Variants in MYO9A observed in about 807,000 individuals in gnomAD.
MYO9A encodes unconventional myosin-IXa.
Under a neutral mutation model 293.3 loss-of-function variants are expected in MYO9A, and 103 were observed. That is an observed-to-expected ratio of 0.35 (90% CI 0.30 to 0.41). The LOEUF (loss-of-function observed/expected upper bound fraction) is 0.41, where lower values mean the gene tolerates loss of function less well. MYO9A is among the 10% of genes least tolerant of loss of function. The pLI, the probability that MYO9A is intolerant of heterozygous loss-of-function variation, is 1.00. For missense variants in MYO9A, 2,685 were observed against 3,033.0 expected, an observed-to-expected ratio of 0.89 and a Z score of 2.69; for synonymous variants, 1,001 against 1,035.7, an observed-to-expected ratio of 0.97 and a Z score of 0.64.
At chr15:72,105,505 T>C (rs2080535218) in intron 1 of MYO9A, among the ~76,000 whole-genome samples, 1 of 145,066 alleles carries the variant, frequency 6.9e-6, no homozygotes, top group South Asian at 2.2e-4. Context: ...GGGAAAGCTT[T>C]TTTTTTTTTT....
At chr15:71,859,108 T>C (rs2056002517) in intron 34 of MYO9A, among the ~76,000 whole-genome samples, 1 of 152,242 alleles carries the variant, frequency 6.6e-6, no homozygotes, top group Non-Finnish European at 1.5e-5. Context: ...TACTTTGCCA[T>C]GATTTGTCTA....
chr15:71,889,522 C>G (rs1002588710), intron 26 of MYO9A: 2 of 135,244 alleles, frequency 1.5e-5, no homozygotes, highest in East Asian at 4.8e-4. Flanking sequence ...GTGGTACAAT[C>G]ACAGCTCACT....
rs951649062 is a variant in MYO9A at position 71,943,007 on chromosome 15, T to C, written c.2303-4080A>G. Among the ~76,000 whole-genome samples, 4 of 152,182 alleles carry C rather than the reference T, an allele frequency of 2.6e-5. No individual in the cohort carries two copies. The East Asian group carries it at 7.7e-4, about 29-fold the overall frequency. The stretch of plus-strand genomic sequence containing the variant: ...TTCATATTTGCCTGGTACATCACTG[T>C]CCATCCTTTTATTTTCACCTCTTTA... On this transcript the variant is annotated intron_variant, in intron 15 of 41. Transcript: ENST00000356056.
intron 27 of MYO9A, among the ~76,000 whole-genome samples, chr15:71,885,273 T>C (rs976872933): frequency 6.6e-6 from 1 of 152,158 alleles, no homozygotes; most frequent in African/African-American, 2.4e-5. Context: ...ATTCAGTATT[T>C]ACTTTTAATG....
Position 71,898,529 on chromosome 15 carries a change from T to C in MYO9A, c.3974A>G (p.Glu1325Gly), listed in dbSNP as rs2057396304. 3.7e-6 allele frequency: 6 copies of C among 1,614,028 alleles called. 1 individual carries two copies. In the East Asian group the frequency reaches 1.3e-4, roughly 36 times the overall value. Reference protein sequence around the residue: ...LQSPRGTPDSESSQGSLELLS... With the variant: ...LQSPRGTPDSGSSQGSLELLS... ...AAGTTCCAAGCTTCCTTGAGAGCTC[T>C]CACTATCAGGTGTACCCCGTGGAGA... Residue 1325 changes from glutamate (E) to glycine (G), a missense_variant, in exon 25 of 42, where the codon GAG becomes GGG. Glu to Gly is a moderately conservative substitution (Grantham distance 98). Around this residue, in one of 10 missense-constraint regions of MYO9A, gnomAD observed 1,434 missense variants for 1,497.7 expected, o/e 0.96. Coordinates refer to ENST00000356056, the MANE Select transcript of MYO9A (RefSeq NM_006901.4).
chr15:71,907,733 A>C, intron 19 of MYO9A, among the ~76,000 whole-genome samples: 1 of 151,412 alleles, frequency 6.6e-6, no homozygotes. Context: ...TTGGCTGCAT[A>C]AATGTCTTCT....
At chr15:71,954,986 G>A (rs1022186618) in intron 14 of MYO9A, among the ~76,000 whole-genome samples, 1 of 152,020 alleles carries the variant, frequency 6.6e-6, no homozygotes, top group African/African-American at 2.4e-5. Context: ...TTAAACAAAC[G>A]TTTACATCCA....
chr15:71,978,136 C>G, intron 12 of MYO9A, 35 bp downstream of exon 12: 2 of 1,604,342 alleles, frequency 1.2e-6, no homozygotes, highest in Non-Finnish European at 1.7e-6. Flanking sequence ...AAAGCCAAAA[C>G]AGCCAATAAC....
chr15:72,024,902 TAGA>T (rs1183105695), intron 4 of MYO9A, among the ~76,000 whole-genome samples: 5 of 151,848 alleles, frequency 3.3e-5, no homozygotes, highest in African/African-American at 1.2e-4. Context: ...AAGGCAGGAA[TAGA>T]AGAACAGAAG....
chr15:71,851,334 A>G lies in MYO9A; in HGVS notation c.6500T>C (p.Ile2167Thr). Residue 2167 changes from isoleucine to threonine, a missense_variant, in exon 37 of 42, where the codon ATC becomes ACC. Around this residue, in one of 10 missense-constraint regions of MYO9A, gnomAD observed 238 missense variants for 269.1 expected, o/e 0.88. Transcript: ENST00000356056. The part of the protein sequence containing the change: ...AMGLQERKET[I>T]RGVYSVIDQL... ...ATCAATCACAGAGTATACACCACGG[A>G]TTGTCTCCTTCCTCTCCTGAAGGCC... 6.2e-7 allele frequency: 1 copy of G among 1,613,834 alleles called. No homozygotes were observed. Among genetic ancestry groups the G allele is most frequent in the Non-Finnish European group, 8.5e-7 (1 of 1,179,850 alleles).
Position 71,999,859 on chromosome 15 carries a change from A to G in MYO9A, c.1462T>C (p.Leu488=), listed in dbSNP as rs371729550. 139 of 1,611,224 alleles carry G rather than the reference A, an allele frequency of 8.6e-5. No individual in the cohort carries two copies. Among genetic ancestry groups the G allele is most frequent in the Non-Finnish European group, 1.2e-4 (136 of 1,178,498 alleles). Residue 488 remains leucine, a synonymous_variant, in exon 9 of 42, where the codon TTG becomes CTG. Transcript: ENST00000356056. ...VGEKLILPYK[L]AEAVTVRNSM... ...AAGAAAATCCATCATACCTCTGCCAACTTGTATGGCAAAATAAGCTTTTCT... is the reference window on the plus strand; with the variant it reads ...AAGAAAATCCATCATACCTCTGCCAGCTTGTATGGCAAAATAAGCTTTTCT...
chr15:71,946,548 G>A (rs551758725), intron 15 of MYO9A, among the ~76,000 whole-genome samples: 2 of 152,236 alleles, frequency 1.3e-5, no homozygotes, highest in East Asian at 3.9e-4. Flanking sequence ...CTAGGTAATA[G>A]CTTTGTGTCT....
chr15:71,861,610 G>A (rs1218787736), intron 33 of MYO9A, among the ~76,000 whole-genome samples: 1 of 140,222 alleles, frequency 7.1e-6, no homozygotes, highest in Non-Finnish European at 1.5e-5. Flanking sequence ...TCCATCTATA[G>A]GTTTATCTAA....
At chr15:71,913,603 G>C (rs2057923987) in intron 19 of MYO9A, among the ~76,000 whole-genome samples, 1 of 151,360 alleles carries the variant, frequency 6.6e-6, no homozygotes, top group African/African-American at 2.4e-5. Context: ...TTTCCCCCTT[G>C]TTATGGGTTA....
chr15:71,964,936 TA>T (rs1409784791), intron 13 of MYO9A, among the ~76,000 whole-genome samples: 3 of 151,442 alleles, frequency 2.0e-5, no homozygotes, highest in Non-Finnish European at 2.9e-5. Flanking sequence ...GCCTGGGTGA[TA>T]AAACAAGACT....
intron 15 of MYO9A, 160 bp from the exon 16 acceptor site, chr15:71,939,087 A>G: frequency 1.9e-6 from 1 of 536,376 alleles, no homozygotes; most frequent in Non-Finnish European, 3.2e-6. Context: ...TAACTGTCAT[A>G]GATCTTAGTT....
At chr15:72,051,722 T>C (rs183458609) in intron 1 of MYO9A, among the ~76,000 whole-genome samples, 7 of 152,248 alleles carry the variant, frequency 4.6e-5, no homozygotes, top group African/African-American at 1.7e-4. Context: ...CCCTGCCACC[T>C]TGGCCCCCTC....
intron 16 of MYO9A, among the ~76,000 whole-genome samples, chr15:71,937,070 G>T (rs552057809): frequency 6.6e-6 from 1 of 152,114 alleles, no homozygotes; most frequent in African/African-American, 2.4e-5. Flanking sequence ...AGGAAAAAAT[G>T]CAGTAGGAAA....
chr15:72,086,293 G>C (rs1254552042), intron 1 of MYO9A, among the ~76,000 whole-genome samples: 3 of 152,208 alleles, frequency 2.0e-5, no homozygotes, highest in Admixed American at 2.0e-4. Context: ...TAGCCGGGTA[G>C]TGCTGGTAAG....
Sources: gnomAD v4.1 joint callset for allele counts (sites outside exome capture counted in the v4.1 genomes callset) on GRCh38, gnomAD v4.1.1 for gene constraint, gnomAD v4.1.1 regional missense constraint, MANE v1.5 for transcripts, NCBI Gene and HGNC (gene_info 2026-07-23, HGNC 2026-07-21) for gene names.